PI4KA: variants seen among roughly 807,000 people sequenced by gnomAD.
PI4KA encodes phosphatidylinositol 4-kinase alpha.
PI4KA carries 122 observed loss-of-function variants against 271.4 expected under a neutral mutation model. The ratio of observed to expected loss-of-function variants is 0.45; its 90% CI spans 0.39 to 0.52. PI4KA has a LOEUF of 0.52. PI4KA is among the 20% of genes least tolerant of loss of function. PI4KA has a pLI of 0.00. For missense variants in PI4KA, 1,969 were observed against 2,769.1 expected (o/e 0.71, Z 6.48); for synonymous variants, 1,041 against 1,078.8 (o/e 0.96, Z 0.69).
chr22:20,816,130 G>A (rs1921780428), intron 7 of PI4KA, among the ~76,000 whole-genome samples: 1 of 152,102 alleles, frequency 6.6e-6, no homozygotes, highest in East Asian at 1.9e-4. Context: ...AGTAGAGATC[G>A]GGTTTTGCCA....
At chr22:20,839,532 T>TA (rs1925290129) in intron 1 of PI4KA, among the ~76,000 whole-genome samples, 2 of 152,058 alleles carry the variant, frequency 1.3e-5, no homozygotes, top group Non-Finnish European at 2.9e-5. Flanking sequence ...ACTGACTCTT[T>TA]TAAAAAATCA....
At chr22:20,733,238 G>C (rs1362912988) in intron 35 of PI4KA, 140 bp from the exon 36 acceptor site, 8 of 850,674 alleles carry the variant, frequency 9.4e-6, no homozygotes, top group African/African-American at 3.4e-5. Context: ...TAGCAAGGAT[G>C]ATCTGGCCCA....
intron 45 of PI4KA, 106 bp from the exon 46 acceptor site, chr22:20,714,806 C>G: frequency 7.4e-7 from 1 of 1,345,314 alleles, no homozygotes; most frequent in African/African-American, 1.5e-5. Context: ...TGCAGGCACA[C>G]CCCGCCCCTG....
chr22:20,741,174 T>C (rs555585448), intron 32 of PI4KA, among the ~76,000 whole-genome samples: 5 of 152,186 alleles, frequency 3.3e-5, no homozygotes, highest in African/African-American at 1.2e-4. Flanking sequence ...ATAATGGCAG[T>C]GGGTATCCAC....
chr22:20,857,149 A>G (rs1927699563), intron 1 of PI4KA, among the ~76,000 whole-genome samples: 2 of 152,364 alleles, frequency 1.3e-5, no homozygotes, highest in South Asian at 4.1e-4. Flanking sequence ...CCTATGAAGT[A>G]CTACCTTGTA....
chr22:20,779,369 T>C, intron 19 of PI4KA: 2 of 1,614,120 alleles, frequency 1.2e-6, no homozygotes, highest in South Asian at 1.1e-5. Flanking sequence ...CTGCGTGGGG[T>C]GGGAGCAAAG....
At chr22:20,731,719 G>A (rs1226293455) in intron 36 of PI4KA, among the ~76,000 whole-genome samples, 1 of 152,156 alleles carries the variant, frequency 6.6e-6, no homozygotes, top group African/African-American at 2.4e-5. Flanking sequence ...CACGAGGTCA[G>A]GAAATCGAGA....
Position 20,799,148 on chromosome 22 carries a change from G to T in PI4KA, c.1949C>A (p.Ser650Tyr), listed in dbSNP as rs1256382962. 7 of 1,612,924 alleles carry T rather than the reference G, an allele frequency of 4.3e-6. No individual in the cohort carries two copies. The Admixed American group carries it at 1.2e-4, about 27-fold the overall frequency. The change falls in exon 16 of 55, where the codon TCC becomes TAC. Residue 650 changes from serine to tyrosine, a missense_variant. Ser to Tyr is a moderately radical substitution (Grantham distance 144, BLOSUM62 -2). Around this residue, in one of 13 missense-constraint regions of PI4KA, gnomAD observed 228 missense variants for 261.6 expected, o/e 0.87. Transcript: ENST00000255882. ...ILQQKFCQPP[S>Y]PLDVLIIDQL... ...GTCAATAATCAGCACATCGAGGGGG[G>T]AGGGTGGCTGGCAGAATTTCTGCTG...
At chr22:20,742,850 T>TGGC (rs889490467) in intron 30 of PI4KA, 86 bp from the exon 31 acceptor site, 6 of 1,282,896 alleles carry the variant, frequency 4.7e-6, no homozygotes. Context: ...ACACTTGTGG[T>TGGC]GGCACTGGTG....
chr22:20,815,749 T>A (rs1921715572), intron 7 of PI4KA, among the ~76,000 whole-genome samples: 1 of 151,926 alleles, frequency 6.6e-6, no homozygotes, highest in Non-Finnish European at 1.5e-5. Flanking sequence ...AACAGCCGGA[T>A]TAAAAAGGGT....
chr22:20,762,469 G>A (rs1010869384), intron 22 of PI4KA, among the ~76,000 whole-genome samples: 3 of 152,190 alleles, frequency 2.0e-5, no homozygotes, highest in East Asian at 1.9e-4. Context: ...TAGGCAGCCC[G>A]AGGTGGAAGG....
rs558304861 is a variant in PI4KA, at chr22:20,728,260, A to C, written c.4683-396T>G. ...TACATATGCACAGAAATTTAAAAAA[A>C]AAGTTTAAATAAAAAAATGTTTAGC... On this transcript the variant is annotated intron_variant, in intron 39 of 54. Coordinates refer to ENST00000255882, the MANE Select transcript of PI4KA (RefSeq NM_058004.4). 2.6e-5 allele frequency among the ~76,000 whole-genome samples: 4 copies of C among 152,352 alleles called. No homozygotes were observed. The South Asian group carries it at 6.2e-4, about 24-fold the overall frequency.
In PI4KA at chr22:20,809,956, C is replaced by A. The variant is rs375205877; in HGVS notation, c.1071+1011G>T. ...CTGGTAGTTCCTTCCCTGCTTCATA[C>A]CTGAGCCCCAGGTACAGTGGTATCA... On this transcript the variant is annotated intron_variant, in intron 9 of 54. Transcript: ENST00000255882. Among the ~76,000 whole-genome samples, 16 of 152,262 alleles carry A rather than the reference C, an allele frequency of 1.1e-4. No homozygotes were observed. In the South Asian group the frequency reaches 2.9e-3, roughly 28 times the overall value.
intron 1 of PI4KA, among the ~76,000 whole-genome samples, chr22:20,856,875 A>G (rs1276504341): frequency 6.6e-6 from 1 of 152,248 alleles, no homozygotes; most frequent in Non-Finnish European, 1.5e-5. Flanking sequence ...CTGAGTGGAA[A>G]GGGTGCTACC....
At chr22:20,723,804 C>T (rs950127652) in intron 42 of PI4KA, among the ~76,000 whole-genome samples, 1 of 151,856 alleles carries the variant, frequency 6.6e-6, no homozygotes, top group African/African-American at 2.4e-5. Context: ...GCACTCCAGC[C>T]TGGGCAACAA....
intron 25 of PI4KA, among the ~76,000 whole-genome samples, chr22:20,752,657 T>C (rs972388954): frequency 2.0e-5 from 3 of 152,162 alleles, no homozygotes; most frequent in African/African-American, 4.8e-5. Flanking sequence ...GACACAGGGA[T>C]GTGGCACCCA....
intron 9 of PI4KA, 28 bp from the exon 10 acceptor site, chr22:20,807,486 A>G (rs777689001): frequency 7.3e-7 from 1 of 1,370,982 alleles, no homozygotes; most frequent in East Asian, 2.3e-5. Context: ...ACACATGACT[A>G]TAGAACAGAA....
chr22:20,793,192 C>T lies in PI4KA; in HGVS notation c.2328+1G>A. The T allele has an allele frequency of 1.3e-6, 2 of 1,527,898 alleles. No individual in the cohort carries two copies. The highest frequency in any genetic ancestry group is 1.8e-6 in the Non-Finnish European group (2 of 1,101,500). The allele number at this position is 1,527,898 out of a possible 1,614,324, so 94.6% of individuals were successfully genotyped here. ...TTATCATTCAATTAATGAATACTCACCACAGCTATTACAGGAATGAGTACT... is the reference window on the plus strand; with the variant it reads ...TTATCATTCAATTAATGAATACTCATCACAGCTATTACAGGAATGAGTACT... On this transcript the variant is annotated splice_donor_variant, in intron 19 of 54. Coordinates refer to ENST00000255882, the MANE Select transcript of PI4KA (RefSeq NM_058004.4). LOFTEE classifies it high-confidence loss of function.
At chr22:20,717,479 A>C (rs1568949352) in intron 45 of PI4KA, among the ~76,000 whole-genome samples, 1 of 152,284 alleles carries the variant, frequency 6.6e-6, no homozygotes, top group Non-Finnish European at 1.5e-5. Flanking sequence ...AGCAGGCAGC[A>C]AGGAAGATGA....
Sources: gnomAD v4.1 joint callset for allele counts (sites outside exome capture counted in the v4.1 genomes callset) on GRCh38, gnomAD v4.1.1 for gene constraint, gnomAD v4.1.1 regional missense constraint, MANE v1.5 for transcripts, NCBI Gene and HGNC (gene_info 2026-07-23, HGNC 2026-07-21) for gene names.